IRS2: variants seen among roughly 807,000 people sequenced by gnomAD.
IRS2 encodes the protein insulin receptor substrate 2.
IRS2 carries 28 observed loss-of-function variants against 70.9 expected under a neutral mutation model. The ratio of observed to expected loss-of-function variants is 0.39; its 90% CI spans 0.29 to 0.54. The LOEUF (loss-of-function observed/expected upper bound fraction) is 0.54, where lower values mean the gene tolerates loss of function less well. IRS2 is among the 20% of genes least tolerant of loss of function. The probability of loss-of-function intolerance (pLI) is 0.59; values close to 1 mark genes in which losing one functional copy is unlikely to be tolerated. For missense variants in IRS2, 2,081 were observed against 2,024.1 expected (o/e 1.03, Z -0.54); for synonymous variants, 1,217 against 981.9 (o/e 1.24, Z -4.48).
Position 109,756,234 on chromosome 13 carries a change from A to C in IRS2, c.*70T>G, listed in dbSNP as rs953059647. Reference sequence around the variant, plus strand: ...ACTGCAAGCAGCTTCGGGCTGAAACAGTGCTGAGCGTCTTCTTTTAATGAT... The same window carrying C: ...ACTGCAAGCAGCTTCGGGCTGAAACCGTGCTGAGCGTCTTCTTTTAATGAT... On this transcript the variant is annotated 3_prime_UTR_variant, in exon 2 of 2. Coordinates refer to ENST00000375856, the MANE Select transcript of IRS2 (RefSeq NM_003749.3). The C allele has an allele frequency of 7.6e-7, 1 of 1,319,138 alleles. No homozygotes were observed. Among genetic ancestry groups the C allele is most frequent in the African/African-American group, 1.4e-5 (1 of 69,202 alleles). The allele number at this position is 1,319,138 out of a possible 1,614,324, so 81.7% of individuals were successfully genotyped here. A position where few individuals can be genotyped will look rare whatever the true frequency, so the allele number is the denominator to read the frequency against.
Position 109,782,466 on chromosome 13 carries a change from C to G in IRS2, c.3588G>C (p.Gly1196=). ...SEGGVGVGPG[G]GDEPPTSPRQ... is the part of the protein sequence containing the mutation. ...GTGGGGAGGTGGGCGGCTCGTCGCC[C>G]CCTCCAGGGCCGACACCCACGCCGC... The change falls in exon 1 of 2, where the codon GGG becomes GGC. Residue 1196 remains glycine (G), a synonymous_variant. Coordinates refer to ENST00000375856, the MANE Select transcript of IRS2 (RefSeq NM_003749.3). 1.9e-6 allele frequency: 3 copies of G among 1,562,724 alleles called. No individual in the cohort carries two copies. Among genetic ancestry groups the G allele is most frequent in the Non-Finnish European group, 1.7e-6 (2 of 1,154,144 alleles).
At chr13:109,777,121 C>T (rs1195918588) in intron 1 of IRS2, among the ~76,000 whole-genome samples, 6 of 151,890 alleles carry the variant, frequency 4.0e-5, no homozygotes, top group East Asian at 3.9e-4. Context: ...GGATGGGGGG[C>T]GGGGGGCACA....
Position 109,784,860 on chromosome 13 carries a change from G to A in IRS2, c.1194C>T (p.Pro398=). 2 of 1,154,892 alleles carry A rather than the reference G, an allele frequency of 1.7e-6. No homozygotes were observed. Among genetic ancestry groups the A allele is most frequent in the East Asian group, 8.7e-5 (2 of 22,946 alleles). 71.5% of individuals were successfully genotyped at this position (1,154,892 alleles called of 1,614,324 possible). A position where few individuals can be genotyped will look rare whatever the true frequency, so the allele number is the denominator to read the frequency against. Residue 398 remains proline (P), a synonymous_variant, in exon 1 of 2, where the codon CCC becomes CCT. Transcript: ENST00000375856. This position sits in a 1 kb window ranked among gnomAD's most constrained non-coding sequence, Gnocchi z 5.2. ...SPLSPGPVRA[P]LSRSHTLSGG... is the part of the protein sequence containing the mutation. Reference sequence around the variant, plus strand: ...CGCTCAGGGTGTGCGAGCGGCTCAGGGGCGCGCGCACCGGCCCGGGGCTCA... The same window carrying A: ...CGCTCAGGGTGTGCGAGCGGCTCAGAGGCGCGCGCACCGGCCCGGGGCTCA...
At chr13:109,756,964 G>A (rs957880681) in intron 1 of IRS2, among the ~76,000 whole-genome samples, 1 of 152,152 alleles carries the variant, frequency 6.6e-6, no homozygotes, top group African/African-American at 2.4e-5. Context: ...TTAGGAAAGG[G>A]TTATTTTTAT....
Position 109,762,929 on chromosome 13 carries a change from G to C in IRS2, c.4013-6621C>G, listed in dbSNP as rs1215420047. 3.3e-5 allele frequency among the ~76,000 whole-genome samples: 5 copies of C among 152,224 alleles called. No homozygotes were observed. The East Asian group carries it at 9.6e-4, about 29-fold the overall frequency. On this transcript the variant is annotated intron_variant, in intron 1 of 1. Coordinates refer to ENST00000375856, the MANE Select transcript of IRS2 (RefSeq NM_003749.3). ...AAACCCTTTCCAGCCCACTTGGAGA[G>C]TGACGTTCCAAGCAGAGGTCAGTAA...
At chr13:109,764,705 C>T (rs1877297675) in intron 1 of IRS2, among the ~76,000 whole-genome samples, 1 of 152,172 alleles carries the variant, frequency 6.6e-6, no homozygotes, top group African/African-American at 2.4e-5. Context: ...TGGAGAGCCA[C>T]AGTGGTGTCT....
In IRS2 at chr13:109,785,543, G is replaced by A. The variant is rs764248590; in HGVS notation, c.511C>T (p.Leu171=). The change falls in exon 1 of 2, where the codon CTG becomes TTG. Residue 171 remains leucine (L), a synonymous_variant. Transcript: ENST00000375856. This position sits in a 1 kb window ranked among gnomAD's most constrained non-coding sequence, Gnocchi z 9.3. ...ASCSASLPGA[L]GGSAGAAGAE... is the part of the protein sequence containing the mutation. ...CCGGCGGCGCCGGCAGAGCCGCCCA[G>A]GGCGCCGGGCAGGGAGGCGCTGCAG... 3.9e-6 allele frequency: 6 copies of A among 1,550,498 alleles called. No individual in the cohort carries two copies. Among genetic ancestry groups the A allele is most frequent in the Non-Finnish European group, 5.2e-6 (6 of 1,147,480 alleles).
intron 1 of IRS2, among the ~76,000 whole-genome samples, chr13:109,758,476 G>A (rs1485294484): frequency 2.0e-5 from 3 of 152,198 alleles, no homozygotes; most frequent in Non-Finnish European, 2.9e-5. Context: ...TATAAATGGC[G>A]GGTAAATTAT....
At chr13:109,760,879 C>T (rs960782360) in intron 1 of IRS2, among the ~76,000 whole-genome samples, 6 of 152,192 alleles carry the variant, frequency 3.9e-5, no homozygotes, top group African/African-American at 9.7e-5. Context: ...ACATGTCACA[C>T]GGAGCTGGGC....
Position 109,782,906 on chromosome 13 carries a change from C to A in IRS2, c.3148G>T (p.Val1050Phe), listed in dbSNP as rs771232244. The A allele has an allele frequency of 6.5e-7, 1 of 1,546,920 alleles. No individual in the cohort carries two copies. Among genetic ancestry groups the A allele is most frequent in the Non-Finnish European group, 8.7e-7 (1 of 1,145,600 alleles). ...GCGCCCGGGCCCTGGGCGGTGGCAA[C>A]GGCCGAGGCGGGGGGCAGGCGGTAC... ...ELYRLPPASAVATAQGPGAAS... is the reference protein window; with the variant it reads ...ELYRLPPASAFATAQGPGAAS... The change falls in exon 1 of 2, where the codon GTT becomes TTT. Residue 1050 changes from valine (V) to phenylalanine (F), a missense_variant. Val to Phe is a conservative substitution (Grantham distance 50, BLOSUM62 -1). Coordinates refer to ENST00000375856, the MANE Select transcript of IRS2 (RefSeq NM_003749.3).
At chr13:109,765,838 A>G (rs868136280) in intron 1 of IRS2, among the ~76,000 whole-genome samples, 244 of 44,822 alleles carry the variant, frequency 5.4e-3, no homozygotes, top group African/African-American at 0.013. Context: ...CCCTGACTCC[A>G]ACTCCCCACC....
intron 1 of IRS2, among the ~76,000 whole-genome samples, chr13:109,774,664 T>C (rs1473582540): frequency 6.6e-6 from 1 of 152,170 alleles, no homozygotes; most frequent in Non-Finnish European, 1.5e-5. Context: ...CCTTCTCCTT[T>C]TGGCTCAGAG....
chr13:109,784,715 A>C lies in IRS2; in HGVS notation c.1339T>G (p.Ser447Ala). Residue 447 changes from serine to alanine, a missense_variant, in exon 1 of 2, where the codon TCC (serine) becomes GCC (alanine). Coordinates refer to ENST00000375856, the MANE Select transcript of IRS2 (RefSeq NM_003749.3). The surrounding 1 kb of genome is among the most constrained non-coding windows in gnomAD (Gnocchi z 5.2). ...HSPPAATSPG[S>A]LSSSSGHGSG... Reference sequence around the variant, plus strand: ...CCGTGGCCGCTGCTGGACGACAGGGAGCCGGGGCTGGTGGCGGCGGGCGGC... The same window carrying C: ...CCGTGGCCGCTGCTGGACGACAGGGCGCCGGGGCTGGTGGCGGCGGGCGGC... 8.1e-7 allele frequency: 1 copy of C among 1,237,314 alleles called. No homozygotes were observed. The highest frequency in any genetic ancestry group is 1.0e-6 in the Non-Finnish European group (1 of 992,234). The allele number at this position is 1,237,314 out of a possible 1,614,324, so 76.6% of individuals were successfully genotyped here.
chr13:109,772,879 T>C (rs1051417803), intron 1 of IRS2, among the ~76,000 whole-genome samples: 1 of 151,700 alleles, frequency 6.6e-6, no homozygotes, highest in Non-Finnish European at 1.5e-5. Context: ...GTATTTTTAG[T>C]AGAGACGGGG....
chr13:109,784,789 C>CT lies in IRS2; in HGVS notation c.1264_1265insA (p.Gly422GlufsTer117). 7.9e-7 allele frequency: 1 copy of CT among 1,266,948 alleles called. No individual in the cohort carries two copies. Among genetic ancestry groups the CT allele is most frequent in the South Asian group, 2.3e-5 (1 of 43,032 alleles). The allele number at this position is 1,266,948 out of a possible 1,614,324, so 78.5% of individuals were successfully genotyped here. ...GGAGCGGCTGTGTTGCAGCGCGCCC[C>CT]CTGCCGGCAGCAGCGCCACCTTGCT... is the stretch of plus-strand genomic sequence containing the variant. On this transcript the variant is annotated frameshift_variant, in exon 1 of 2. Transcript: ENST00000375856. LOFTEE classifies it high-confidence loss of function. The surrounding 1 kb of genome is among the most constrained non-coding windows in gnomAD (Gnocchi z 5.2).
At chr13:109,765,045 A>G (rs1299270184) in intron 1 of IRS2, among the ~76,000 whole-genome samples, 5 of 152,298 alleles carry the variant, frequency 3.3e-5, no homozygotes, top group Admixed American at 6.5e-5. Context: ...CACAGAGAAC[A>G]TGAATCCCTT....
In IRS2 at chr13:109,765,750, C is replaced by G. The variant is rs1272554631; in HGVS notation, c.4013-9442G>C. ...ATCCACTTTGGCTCCTCCTCCCCACCAAGCATGTAGATATCCCAGCCTCAA... is the reference window on the plus strand; with the variant it reads ...ATCCACTTTGGCTCCTCCTCCCCACGAAGCATGTAGATATCCCAGCCTCAA... On this transcript the variant is annotated intron_variant, in intron 1 of 1. Transcript: ENST00000375856. Among the ~76,000 whole-genome samples, 19 of 48,356 alleles carry G rather than the reference C, an allele frequency of 3.9e-4. 4 individuals are homozygous for G. Among genetic ancestry groups the G allele is most frequent in the Non-Finnish European group, 7.4e-4 (13 of 17,612 alleles). 31.7% of individuals were successfully genotyped at this position (48,356 alleles called of 152,430 possible). A position where few individuals can be genotyped will look rare whatever the true frequency, so the allele number is the denominator to read the frequency against.
chr13:109,782,342 G>A lies in IRS2; in HGVS notation c.3712C>T (p.Pro1238Ser), dbSNP rs942525079. 5 of 1,611,684 alleles carry A rather than the reference G, an allele frequency of 3.1e-6. No individual in the cohort carries two copies. Among genetic ancestry groups the A allele is most frequent in the Non-Finnish European group, 4.2e-6 (5 of 1,179,450 alleles). Residue 1238 changes from proline to serine, a missense_variant, in exon 1 of 2, where the codon CCC (proline) becomes TCC (serine). Physicochemically the swap from Pro to Ser is moderately conservative, Grantham distance 74. This residue lies in a region of IRS2 where 1,615 missense variants were observed against 1,459.5 expected (regional missense o/e 1.11). Coordinates refer to ENST00000375856, the MANE Select transcript of IRS2 (RefSeq NM_003749.3). ...LVGCPGSGGSPMRRETSAGFQ... is the reference protein window; with the variant it reads ...LVGCPGSGGSSMRRETSAGFQ... ...CCGGCAGAGGTCTCTCTGCGCATGG[G>A]CGATCCACCGCTCCCAGGACAACCG...
At chr13:109,773,208 G>C (rs780169270) in intron 1 of IRS2, among the ~76,000 whole-genome samples, 4 of 151,628 alleles carry the variant, frequency 2.6e-5, no homozygotes, top group Admixed American at 6.6e-5. Context: ...AAAAAACAAG[G>C]GCTGTTAAAA....
Sources: gnomAD v4.1 joint callset for allele counts (sites outside exome capture counted in the v4.1 genomes callset) on GRCh38, gnomAD v4.1.1 for gene constraint, gnomAD v4.1.1 regional missense constraint, Gnocchi (gnomAD v3.1) non-coding constraint, MANE v1.5 for transcripts, NCBI Gene and HGNC (gene_info 2026-07-23, HGNC 2026-07-21) for gene names.